PRKN: variants seen among roughly 807,000 people sequenced by gnomAD.
PRKN encodes parkin RBR E3 ubiquitin protein ligase.
Under a neutral mutation model 59.5 loss-of-function variants are expected in PRKN, and 56 were observed. That is an observed-to-expected ratio of 0.94 (90% CI 0.76 to 1.18). PRKN has a LOEUF of 1.18. PRKN is among the 50% of genes most tolerant of loss of function. The pLI is 0.00. For synonymous variants in PRKN, 250 were observed against 222.1 expected, an observed-to-expected ratio of 1.13 and a Z score of -1.12; for missense variants, 657 against 596.4, an observed-to-expected ratio of 1.10 and a Z score of -1.06.
At chr6:162,114,594 G>A (rs9458462) in intron 4 of PRKN, among the ~76,000 whole-genome samples, 10,448 of 151,812 alleles carry the variant, frequency 0.069, 575 homozygotes, top group African/African-American at 0.15. Context: ...CAACCTACTC[G>A]TCTGAAAAAG....
At chr6:161,703,882 G>GTTTTTT (rs1786372130) in intron 7 of PRKN, among the ~76,000 whole-genome samples, 1 of 93,694 alleles carries the variant, frequency 1.1e-5, no homozygotes, top group African/African-American at 4.1e-5. Context: ...TTTTTACAGA[G>GTTTTTT]TCTTGCTCTG....
chr6:162,705,778 A>G (rs972553049), intron 1 of PRKN, among the ~76,000 whole-genome samples: 6 of 152,170 alleles, frequency 3.9e-5, no homozygotes, highest in Admixed American at 1.3e-4. Flanking sequence ...CCCTGTAGGA[A>G]GGTAATTATC....
At chr6:162,233,074 G>A (rs1444620661) in intron 3 of PRKN, among the ~76,000 whole-genome samples, 2 of 152,100 alleles carry the variant, frequency 1.3e-5, no homozygotes, top group Non-Finnish European at 2.9e-5. Context: ...ACCACATGGA[G>A]ACTTCTAAAA....
rs1787309417 is a variant in PRKN, at chr6:161,407,057, A to T, written c.1084-20180T>A. The stretch of plus-strand genomic sequence containing the variant: ...GAGAAATTTAATTAAGATTTATTTC[A>T]AATTAAGATCACCAAATTATATTTA... On this transcript the variant is annotated intron_variant, in intron 9 of 11. Transcript: ENST00000366898. The surrounding 1 kb of genome is among the most constrained non-coding windows in gnomAD (Gnocchi z 4.9). 6.6e-6 allele frequency among the ~76,000 whole-genome samples: 1 copy of T among 152,220 alleles called. No homozygotes were observed. The highest frequency in any genetic ancestry group is 6.5e-5 in the Admixed American group (1 of 15,280).
At chr6:161,768,984 G>A (rs79130045) in intron 7 of PRKN, among the ~76,000 whole-genome samples, 2,882 of 152,190 alleles carry the variant, frequency 0.019, 44 homozygotes, top group South Asian at 0.039. Flanking sequence ...TTGTGCAATA[G>A]ATCTAATATA....
intron 2 of PRKN, among the ~76,000 whole-genome samples, chr6:162,283,584 C>T (rs991440722): frequency 2.6e-5 from 4 of 152,202 alleles, no homozygotes; most frequent in East Asian, 3.9e-4. Flanking sequence ...TGCAGTAGCA[C>T]GATCTCGGCT....
intron 1 of PRKN, among the ~76,000 whole-genome samples, chr6:162,588,058 T>C (rs1308746484): frequency 1.3e-5 from 2 of 150,108 alleles, no homozygotes; most frequent in Non-Finnish European, 3.0e-5. Flanking sequence ...TCACCCAAGC[T>C]AGAGTGCAGT....
intron 2 of PRKN, among the ~76,000 whole-genome samples, chr6:162,417,680 G>A (rs1459899349): frequency 2.0e-5 from 3 of 152,168 alleles, no homozygotes; most frequent in Non-Finnish European, 2.9e-5. Flanking sequence ...CCCTGTGCCC[G>A]ACTGTGTAAC....
intron 10 of PRKN, among the ~76,000 whole-genome samples, chr6:161,364,456 TGCCACCACCCGCCCCG>T (rs1785111003): frequency 9.2e-6 from 1 of 108,196 alleles, no homozygotes; most frequent in Non-Finnish European, 1.7e-5. Flanking sequence ...AGACTCCATC[TGCCACCACCCGCCCCG>T]CAAAAAAAAA....
chr6:161,850,618 T>C (rs1793393524), intron 6 of PRKN, among the ~76,000 whole-genome samples: 2 of 149,900 alleles, frequency 1.3e-5, no homozygotes, highest in South Asian at 4.2e-4. Flanking sequence ...GAGAAATATC[T>C]AAAAGTTTTT....
Position 162,155,801 on chromosome 6 carries a change from GAA to G in PRKN, c.534+45328_534+45329del, listed in dbSNP as rs35890771. On this transcript the variant is annotated intron_variant, in intron 4 of 11. Transcript: ENST00000366898. ...TCAGTGCTCAGAAACTTTCAGTTAAGAAAAAAAAAAAAAAGAGTCAAGGGAAA... is the reference window on the plus strand; with the variant it reads ...TCAGTGCTCAGAAACTTTCAGTTAAGAAAAAAAAAAAAGAGTCAAGGGAAA... Among the ~76,000 whole-genome samples, 493 of 140,862 alleles carry G rather than the reference GAA, an allele frequency of 3.5e-3. 2 individuals are homozygous for G. Among genetic ancestry groups the G allele is most frequent in the African/African-American group, 9.1e-3 (349 of 38,206 alleles). 92.4% of individuals were successfully genotyped at this position (140,862 alleles called of 152,430 possible). A position where few individuals can be genotyped will look rare whatever the true frequency, so the allele number is the denominator to read the frequency against.
rs150869855 is a variant in PRKN at position 161,706,703 on chromosome 6, G to A, written c.871+79069C>T. Reference sequence around the variant, plus strand: ...CTCCTGAGGAGCTGGGATTACAGGCGTGTACCACCACACACAGCTAATTTT... The same window carrying A: ...CTCCTGAGGAGCTGGGATTACAGGCATGTACCACCACACACAGCTAATTTT... On this transcript the variant is annotated intron_variant, in intron 7 of 11. Transcript: ENST00000366898. Among the ~76,000 whole-genome samples, 49 of 152,212 alleles carry A rather than the reference G, an allele frequency of 3.2e-4. No individual in the cohort carries two copies. The East Asian group carries it at 7.8e-3, about 24-fold the overall frequency.
At chr6:161,683,825 T>G (rs41458844) in intron 7 of PRKN, among the ~76,000 whole-genome samples, 16,502 of 152,140 alleles carry the variant, frequency 0.11, 1,414 homozygotes, top group African/African-American at 0.23. Context: ...GAAGGATTGA[T>G]GTGGACAAAG....
At chr6:162,686,466 G>C (rs1777558068) in intron 1 of PRKN, among the ~76,000 whole-genome samples, 1 of 151,964 alleles carries the variant, frequency 6.6e-6, no homozygotes, top group South Asian at 2.1e-4. Context: ...GTTTTGCTTT[G>C]GCTTGAGACA....
intron 1 of PRKN, chr6:162,643,802 C>T (rs1778061275): frequency 6.6e-6 from 1 of 152,108 alleles, no homozygotes; most frequent in Non-Finnish European, 1.5e-5. Flanking sequence ...CTGAAGTACA[C>T]TAAATTTTCA....
In PRKN at chr6:162,182,950, G is replaced by C. The variant is rs150550181; in HGVS notation, c.534+18181C>G. On this transcript the variant is annotated intron_variant, in intron 4 of 11. Transcript: ENST00000366898. ...CCTACTTCTAAAATGCATTATTATT[G>C]GGTCATTTCTGACACCTTTTTTTCT... is the stretch of plus-strand genomic sequence containing the variant. 7.9e-3 allele frequency among the ~76,000 whole-genome samples: 1,194 copies of C among 152,000 alleles called. 16 individuals are homozygous for C. The highest frequency in any genetic ancestry group is 0.027 in the African/African-American group (1,133 of 41,438).
At chr6:162,199,538 G>A (rs1009871393) in intron 4 of PRKN, among the ~76,000 whole-genome samples, 1 of 152,142 alleles carries the variant, frequency 6.6e-6, no homozygotes, top group Non-Finnish European at 1.5e-5. Context: ...TCAGGACTTA[G>A]GCACAGATTG....
At chr6:161,940,752 G>A (rs1460948894) in intron 6 of PRKN, among the ~76,000 whole-genome samples, 1 of 152,200 alleles carries the variant, frequency 6.6e-6, no homozygotes, top group African/African-American at 2.4e-5. Flanking sequence ...ATGTCTATGT[G>A]GCATGTGGCA....
intron 2 of PRKN, among the ~76,000 whole-genome samples, chr6:162,290,360 C>T (rs900360989): frequency 6.6e-6 from 1 of 152,142 alleles, no homozygotes; most frequent in Non-Finnish European, 1.5e-5. Flanking sequence ...CTTGAGTGGC[C>T]TCTTAGTGAG....
Sources: allele counts gnomAD v4.1 joint callset (sites outside exome capture counted in the v4.1 genomes callset), GRCh38; gene constraint gnomAD v4.1.1; non-coding constraint Gnocchi (gnomAD v3.1); transcripts MANE v1.5; gene names NCBI Gene and HGNC (gene_info 2026-07-23, HGNC 2026-07-21).